Variants in PCF11 observed in about 807,000 individuals in gnomAD.
PCF11 encodes the protein PCF11 cleavage and polyadenylation factor subunit.
In PCF11, 19 loss-of-function variants were observed where a neutral mutation model predicts 166.1. The observed-to-expected ratio is 0.11, with a 90% CI of 0.08 to 0.17. The LOEUF is 0.17. Among genes scored for constraint, PCF11 ranks in the 10% least tolerant of loss-of-function variants. PCF11 has a pLI of 1.00. For synonymous variants in PCF11, 663 were observed against 644.1 expected (o/e 1.03, Z -0.44); for missense variants, 1,565 against 1,855.5 (o/e 0.84, Z 2.88).
chr11:83,171,873 C>G (rs1422943248), exon 9 of PCF11: 1 of 1,601,828 alleles, frequency 6.2e-7, no homozygotes, highest in Non-Finnish European at 8.6e-7. Flanking sequence ...CAGTTTTTAC[C>G]AGTTCATCCA....
exon 13 of PCF11, chr11:83,181,958 TAAAGAA>T: frequency 6.2e-7 from 1 of 1,612,952 alleles, no homozygotes; most frequent in Non-Finnish European, 8.5e-7. Context: ...AAGAGGCTGC[TAAAGAA>T]AAAGAGTTCC....
chr11:83,168,386 T>G (rs1342060113), intron 7 of PCF11, 42 bp from the exon 8 acceptor site: 2 of 1,487,994 alleles, frequency 1.3e-6, no homozygotes, highest in Non-Finnish European at 1.8e-6. Flanking sequence ...TAGAAGATTT[T>G]AAGATAACTT....
chr11:83,160,321 GTTTTTTTTTTTTT>G (rs35201107), intron 1 of PCF11, among the ~76,000 whole-genome samples: 2 of 91,268 alleles, frequency 2.2e-5, no homozygotes, highest in African/African-American at 8.5e-5. Flanking sequence ...GATAACCTAA[GTTTTTTTTTTTTT>G]TTTTTTTTTG....
chr11:83,170,215 A>G (rs1477549960), intron 8 of PCF11, among the ~76,000 whole-genome samples: 2 of 152,158 alleles, frequency 1.3e-5, no homozygotes, highest in Non-Finnish European at 2.9e-5. Context: ...ATCTAGGGAA[A>G]TATCTCAATC....
Position 83,161,463 on chromosome 11 carries a change from A to G in PCF11, c.318+11A>G, listed in dbSNP as rs778507277. ...TGTGTGTTTGAAAAGGTACATATGC[A>G]TTTAGAAACATTTGCGTTTTTTTTT... On this transcript the variant is annotated intron_variant, in intron 2 of 15. Coordinates refer to ENST00000298281, the Ensembl canonical transcript of PCF11. 4.6e-6 allele frequency: 7 copies of G among 1,533,130 alleles called. No individual in the cohort carries two copies. Among genetic ancestry groups the G allele is most frequent in the Non-Finnish European group, 6.1e-6 (7 of 1,144,572 alleles). The allele number at this position is 1,533,130 out of a possible 1,614,324, so 95.0% of individuals were successfully genotyped here. A position where few individuals can be genotyped will look rare whatever the true frequency, so the allele number is the denominator to read the frequency against.
intron 5 of PCF11, among the ~76,000 whole-genome samples, 178 bp downstream of exon 5, chr11:83,166,892 G>A (rs1209115699): frequency 6.6e-6 from 1 of 152,248 alleles, no homozygotes; most frequent in East Asian, 1.9e-4. Context: ...GGAAACTGAA[G>A]TTTAGAAAGG....
exon 5 of PCF11, chr11:83,166,577 G>T (rs560265044): frequency 1.2e-6 from 2 of 1,613,940 alleles, no homozygotes; most frequent in Non-Finnish European, 1.7e-6. Flanking sequence ...GAATGAAAAA[G>T]ACTGAAGAGG....
At chr11:83,171,954 A>G in intron 9 of PCF11, 40 bp downstream of exon 9, 1 of 969,152 alleles carries the variant, frequency 1.0e-6, no homozygotes, top group Non-Finnish European at 1.7e-6. Context: ...AAGACAAATG[A>G]TTATTGTTTT....
chr11:83,173,719 C>CTTT (rs869126679), intron 9 of PCF11, among the ~76,000 whole-genome samples: 66 of 59,066 alleles, frequency 1.1e-3, no homozygotes, highest in East Asian at 3.3e-3. Context: ...TTCTTTCTTT[C>CTTT]TTTTTTTTTT....
intron 9 of PCF11, among the ~76,000 whole-genome samples, chr11:83,173,615 T>A (rs1295293144): frequency 2.6e-5 from 4 of 151,708 alleles, no homozygotes; most frequent in African/African-American, 9.7e-5. Flanking sequence ...GTATTTTCCT[T>A]TAGAACTCAG....
At chr11:83,180,693 C>G (rs961489340) in intron 11 of PCF11, 1 of 175,814 alleles carries the variant, frequency 5.7e-6, no homozygotes, top group Non-Finnish European at 1.2e-5. Flanking sequence ...TGACTTGACT[C>G]CAAACTAAAA....
At chr11:83,181,287 ATTAAG>A in intron 12 of PCF11, 96 bp downstream of exon 12, 1 of 386,132 alleles carries the variant, frequency 2.6e-6, no homozygotes, top group Non-Finnish European at 4.2e-6. Flanking sequence ...TTTAATTTTA[ATTAAG>A]TAATTTAATA....
In PCF11 at chr11:83,171,702, CTTTA is replaced by C. The variant is rs1860697964; in HGVS notation, c.3661-110_3661-107del. 3 of 682,128 alleles carry C rather than the reference CTTTA, an allele frequency of 4.4e-6. No homozygotes were observed. In the South Asian group the frequency reaches 4.9e-5, roughly 11 times the overall value. 42.3% of individuals were successfully genotyped at this position (682,128 alleles called of 1,614,324 possible). On this transcript the variant is annotated intron_variant, in intron 8 of 15. Coordinates refer to ENST00000298281, the Ensembl canonical transcript of PCF11. ...ATGCAGCCAAGTTATCTTTCTAAAT[CTTTA>C]TTTATAAGCCAGGCCTTGTGACATC...
chr11:83,166,076 G>T (rs765518136), exon 5 of PCF11: 6 of 1,610,296 alleles, frequency 3.7e-6, no homozygotes. Context: ...AAAGTATGAG[G>T]TTGTCTGATA....
chr11:83,157,524 C>T, exon 1 of PCF11: 1 of 1,613,938 alleles, frequency 6.2e-7, no homozygotes, highest in Non-Finnish European at 8.5e-7. Flanking sequence ...GCTCGAAGAC[C>T]TGACCTTCAA....
intron 9 of PCF11, among the ~76,000 whole-genome samples, chr11:83,172,446 A>C (rs936082266): frequency 1.3e-5 from 2 of 152,102 alleles, no homozygotes. Context: ...TTTATGAGGC[A>C]GAATCTTGCT....
Position 83,163,813 on chromosome 11 carries a change from C to A in PCF11, c.453C>A (p.Pro151=), listed in dbSNP as rs750220634. The A allele has an allele frequency of 5.7e-6, 9 of 1,586,288 alleles. No individual in the cohort carries two copies. In the African/African-American group the frequency reaches 1.1e-4, roughly 19 times the overall value. The stretch of plus-strand genomic sequence containing the variant: ...CTGCTTGGCCTATTAAACCTCTACC[C>A]CCCAATGTGAATACGTCTAGCATCC... The change falls in exon 3 of 16, where the codon CCC becomes CCA. Residue 151 remains proline, a synonymous_variant. Transcript: ENST00000298281.
exon 12 of PCF11, chr11:83,181,074 T>C: frequency 3.7e-6 from 6 of 1,602,804 alleles, no homozygotes; most frequent in Non-Finnish European, 4.3e-6. Flanking sequence ...GAATGAGGTT[T>C]ACAACATCAC....
chr11:83,166,216 A>G (rs949657198), exon 5 of PCF11: 1 of 1,613,386 alleles, frequency 6.2e-7, no homozygotes, highest in Non-Finnish European at 8.5e-7. Context: ...TCATCCGAAC[A>G]CAGACTGGCT....
Sources: gnomAD v4.1 joint callset for allele counts (sites outside exome capture counted in the v4.1 genomes callset) on GRCh38, gnomAD v4.1.1 for gene constraint, MANE v1.5 for transcripts, NCBI Gene and HGNC (gene_info 2026-07-23, HGNC 2026-07-21) for gene names.